The following PTPRN2 variants were observed in gnomAD, a reference collection of about 807,000 sequenced individuals.
PTPRN2 encodes the protein protein tyrosine phosphatase receptor type N2, also known as receptor-type tyrosine-protein phosphatase N2.
In PTPRN2, 74 loss-of-function variants were observed where a neutral mutation model predicts 118.8. That is an observed-to-expected ratio of 0.62 (90% CI 0.52 to 0.76). The LOEUF (loss-of-function observed/expected upper bound fraction) is 0.76. Among genes scored for constraint, PTPRN2 ranks in the 30% least tolerant of loss-of-function variants. The pLI, the probability that PTPRN2 is intolerant of heterozygous loss-of-function variation, is 0.00. For synonymous variants in PTPRN2, 641 were observed against 608.0 expected, an observed-to-expected ratio of 1.05 and a Z score of -0.80; for missense variants, 1,481 against 1,394.4, an observed-to-expected ratio of 1.06 and a Z score of -0.99.
At chr7:157,548,873 G>C in intron 22 of PTPRN2, 73 bp downstream of exon 22, 1 of 1,417,466 alleles carries the variant, frequency 7.1e-7, no homozygotes, top group Admixed American at 1.7e-5. Context: ...CCCTCCCCGT[G>C]CTCCTCTCAG....
intron 2 of PTPRN2, 143 bp from the exon 3 acceptor site, chr7:158,317,075 A>G: frequency 1.8e-6 from 1 of 565,370 alleles, no homozygotes; most frequent in South Asian, 2.5e-5. Context: ...GGCTGTTAGG[A>G]CCCGGGAGCA....
At chr7:158,270,901 GACCACCCCCCCCACCT>G (rs1798394499) in intron 3 of PTPRN2, among the ~76,000 whole-genome samples, 2 of 71,096 alleles carry the variant, frequency 2.8e-5, no homozygotes, top group African/African-American at 1.3e-4. Context: ...CCTCCACCTG[GACCACCCCCCCCACCT>G]GGACCACCCC....
chr7:158,497,828 G>A (rs1184123660), intron 1 of PTPRN2, among the ~76,000 whole-genome samples: 1 of 152,252 alleles, frequency 6.6e-6, no homozygotes, highest in Non-Finnish European at 1.5e-5. Context: ...TTCCTGCGGG[G>A]ACACCTGTCC....
chr7:158,108,140 C>T (rs1445670133), intron 10 of PTPRN2, among the ~76,000 whole-genome samples: 3 of 152,054 alleles, frequency 2.0e-5, no homozygotes, highest in Non-Finnish European at 4.4e-5. Flanking sequence ...GCCCTGAGTA[C>T]GTGACCCTTT....
chr7:157,911,881 A>G (rs1798126534), intron 11 of PTPRN2, among the ~76,000 whole-genome samples: 1 of 152,076 alleles, frequency 6.6e-6, no homozygotes, highest in Non-Finnish European at 1.5e-5. Flanking sequence ...CTGTGTTCTG[A>G]GACTCAGATT....
chr7:157,867,737 C>T (rs368550378), intron 12 of PTPRN2, among the ~76,000 whole-genome samples: 39 of 152,226 alleles, frequency 2.6e-4, no homozygotes, highest in South Asian at 4.1e-4. Flanking sequence ...GAAAAGTCCA[C>T]GCACTAATGT....
chr7:158,489,809 G>C, intron 1 of PTPRN2, 24 bp from the exon 2 acceptor site: 2 of 1,559,396 alleles, frequency 1.3e-6, no homozygotes, highest in Non-Finnish European at 1.7e-6. Flanking sequence ...GAGAAGAGAC[G>C]CGGTCAGCTG....
chr7:157,956,747 G>C (rs986771247), intron 11 of PTPRN2, among the ~76,000 whole-genome samples: 2 of 152,244 alleles, frequency 1.3e-5, no homozygotes, highest in African/African-American at 4.8e-5. Flanking sequence ...CAGGGGTCAT[G>C]GTGGGAACCT....
intron 12 of PTPRN2, among the ~76,000 whole-genome samples, chr7:157,725,656 CTA>C (rs1404391683): frequency 2.3e-4 from 31 of 136,562 alleles, no homozygotes; most frequent in South Asian, 5.0e-4. Flanking sequence ...AACTGGATAT[CTA>C]CACACAGAGG....
intron 11 of PTPRN2, among the ~76,000 whole-genome samples, chr7:158,073,329 G>A (rs879644687): frequency 1.3e-5 from 2 of 152,234 alleles, no homozygotes; most frequent in Non-Finnish European, 2.9e-5. Flanking sequence ...AAGGAGCATG[G>A]TGGGCACCTG....
chr7:158,181,433 C>A (rs1229333653), intron 5 of PTPRN2, among the ~76,000 whole-genome samples: 1 of 152,116 alleles, frequency 6.6e-6, no homozygotes, highest in African/African-American at 2.4e-5. Context: ...ATTTTAGTGT[C>A]AGAGTGATAC....
intron 2 of PTPRN2, among the ~76,000 whole-genome samples, chr7:158,326,282 C>G (rs2151129771): frequency 6.6e-6 from 1 of 152,350 alleles, no homozygotes; most frequent in Admixed American, 6.5e-5. Context: ...CACCAGTGAC[C>G]CCTCGTGGCT....
intron 1 of PTPRN2, among the ~76,000 whole-genome samples, chr7:158,511,472 A>C (rs1322279138): frequency 6.6e-6 from 1 of 152,206 alleles, no homozygotes; most frequent in Admixed American, 6.5e-5. Context: ...AACCATCCAC[A>C]TCTTGTAGAA....
In PTPRN2 at chr7:158,076,475, C is replaced by A. The variant is rs534865605; in HGVS notation, c.1723+4823G>T. Reference sequence around the variant, plus strand: ...GCTGCAGCAGCAAGGCACCCCTCCCCCTCCCCCGGGGCCAACCTGCCTGTG... The same window carrying A: ...GCTGCAGCAGCAAGGCACCCCTCCCACTCCCCCGGGGCCAACCTGCCTGTG... On this transcript the variant is annotated intron_variant, in intron 11 of 22. Transcript: ENST00000389418. Among the ~76,000 whole-genome samples the A allele has an allele frequency of 1.4e-4, 21 of 152,374 alleles. No homozygotes were observed. The South Asian group carries it at 4.1e-3, about 30-fold the overall frequency.
Position 157,622,424 on chromosome 7 carries a change from C to G in PTPRN2, c.2197-915G>C, listed in dbSNP as rs1342593011. 1.3e-5 allele frequency among the ~76,000 whole-genome samples: 2 copies of G among 152,168 alleles called. No homozygotes were observed. The highest frequency in any genetic ancestry group is 2.9e-5 in the Non-Finnish European group (2 of 68,028). On this transcript the variant is annotated intron_variant, in intron 14 of 22. Coordinates refer to ENST00000389418, the MANE Select transcript of PTPRN2 (RefSeq NM_002847.5). This position sits in a 1 kb window ranked among gnomAD's most constrained non-coding sequence, Gnocchi z 5.3. The stretch of plus-strand genomic sequence containing the variant: ...GGTCCAAGCCCTTCTCACCTTCTGC[C>G]CACCCCCTGACATCCCCTTCGATTG...
chr7:158,343,387 C>T (rs944594450), intron 2 of PTPRN2, among the ~76,000 whole-genome samples: 19 of 152,176 alleles, frequency 1.2e-4, no homozygotes, highest in Non-Finnish European at 1.5e-4. Context: ...TATCAAAAAA[C>T]GAAACGAAGC....
chr7:158,085,237 C>T (rs1813225866), intron 10 of PTPRN2, among the ~76,000 whole-genome samples: 1 of 136,042 alleles, frequency 7.4e-6, no homozygotes, highest in Non-Finnish European at 1.6e-5. Context: ...CATCCACACC[C>T]ACGACACCCA....
chr7:158,489,693 GA>G (rs1563351584), intron 2 of PTPRN2, 41 bp downstream of exon 2: 1 of 1,544,148 alleles, frequency 6.5e-7, no homozygotes, highest in South Asian at 1.2e-5. Context: ...GCGGGCAGGA[GA>G]GGGGCAGACC....
chr7:158,016,060 G>A (rs1205337455), intron 11 of PTPRN2, among the ~76,000 whole-genome samples: 2 of 152,150 alleles, frequency 1.3e-5, no homozygotes, highest in South Asian at 2.1e-4. Context: ...GTTTTTCCTC[G>A]TTCAGGGAAT....
Sources: gnomAD v4.1 joint callset for allele counts (sites outside exome capture counted in the v4.1 genomes callset) on GRCh38, gnomAD v4.1.1 for gene constraint, Gnocchi (gnomAD v3.1) non-coding constraint, MANE v1.5 for transcripts, NCBI Gene and HGNC (gene_info 2026-07-23, HGNC 2026-07-21) for gene names.